ZNF717: variants seen among roughly 807,000 people sequenced by gnomAD.
ZNF717 encodes krueppel-like factor X17.
Under a neutral mutation model 13.8 loss-of-function variants are expected in ZNF717, and 9 were observed. That is an observed-to-expected ratio of 0.65 (90% confidence interval 0.39 to 1.14). The LOEUF is 1.14. Among genes scored for constraint, ZNF717 ranks in the 50% most tolerant of loss-of-function variants. The pLI is 0.01. For synonymous variants in ZNF717, 327 were observed against 364.1 expected, an observed-to-expected ratio of 0.90 and a Z score of 1.16; for missense variants, 1,040 against 1,080.7, an observed-to-expected ratio of 0.96 and a Z score of 0.53.
intron 4 of ZNF717, among the ~76,000 whole-genome samples, chr3:75,722,803 C>CAAAAAAAAAAAAA (rs146853808): frequency 3.0e-5 from 3 of 98,878 alleles, no homozygotes; most frequent in African/African-American, 4.8e-5. Flanking sequence ...AACTCCATCT[C>CAAAAAAAAAAAAA]AAAAAAAAAA....
rs925802572 is a variant in ZNF717 at position 75,751,720 on chromosome 3, A to G, written c.58-9984T>C. Among the ~76,000 whole-genome samples, 29 of 151,276 alleles carry G rather than the reference A, an allele frequency of 1.9e-4. 1 individual carries two copies. The highest frequency in any genetic ancestry group is 7.1e-4 in the African/African-American group (29 of 41,102). ...TATTTGCCCTCACATAGGATTCCAG[A>G]ACACTGCTGTTGGGTTCTGAGTGTT... On this transcript the variant is annotated intron_variant, in intron 2 of 4. Coordinates refer to ENST00000652011, the MANE Select transcript of ZNF717 (RefSeq NM_001290208.3).
Position 75,737,579 on chromosome 3 carries a change from T to C in ZNF717, c.2044A>G (p.Lys682Glu), listed in dbSNP as rs1939511415. 7 of 1,544,460 alleles carry C rather than the reference T, an allele frequency of 4.5e-6. No homozygotes were observed. In the South Asian group the frequency reaches 7.2e-5, roughly 16 times the overall value. The change falls in exon 5 of 5, where the codon AAA (lysine) becomes GAA (glutamate). Residue 682 changes from lysine to glutamate, a missense_variant. Physicochemically the swap from Lys to Glu is moderately conservative, Grantham distance 56. Coordinates refer to ENST00000652011, the MANE Select transcript of ZNF717 (RefSeq NM_001290208.3). ...KNRMDVMNVE[K>E]LFVRNHTLLY... ...AAGGTATGATTTCTGACAAAAAGTTTTTCCACATTCATTACATCCATACGG... is the reference window on the plus strand; with the variant it reads ...AAGGTATGATTTCTGACAAAAAGTTCTTCCACATTCATTACATCCATACGG...
intron 4 of ZNF717, among the ~76,000 whole-genome samples, chr3:75,740,328 C>G (rs1287676695): frequency 6.6e-6 from 1 of 152,158 alleles, no homozygotes; most frequent in Non-Finnish European, 1.5e-5. Flanking sequence ...GGACTTGAGA[C>G]CCAGAATCTT....
At chr3:75,706,855 G>A (rs1481728540), downstream of ZNF717, among the ~76,000 whole-genome samples, 6 of 152,298 alleles carry the variant, frequency 3.9e-5, no homozygotes, top group Non-Finnish European at 8.8e-5. Context: ...GTCTTCTCAT[G>A]ATGGACAAGC....
intron 2 of ZNF717, among the ~76,000 whole-genome samples, chr3:75,752,971 A>ATGTC: frequency 7.0e-6 from 1 of 142,296 alleles, no homozygotes; most frequent in East Asian, 2.1e-4. Flanking sequence ...CATGGTCTGA[A>ATGTC]TGTCCCTCAC....
chr3:75,751,876 A>G (rs1941858596), intron 2 of ZNF717, among the ~76,000 whole-genome samples: 1 of 149,640 alleles, frequency 6.7e-6, no homozygotes, highest in Non-Finnish European at 1.5e-5. Flanking sequence ...CACTACTACG[A>G]TGGTATGAAT....
At chr3:75,746,567 C>T (rs1225807960) in intron 2 of ZNF717, among the ~76,000 whole-genome samples, 6 of 152,226 alleles carry the variant, frequency 3.9e-5, no homozygotes, top group African/African-American at 9.6e-5. Flanking sequence ...TTTTAATGAT[C>T]GCCATTCTAA....
intron 1 of ZNF717, chr3:75,784,960 C>T (rs75405852): frequency 6.6e-6 from 1 of 152,310 alleles, no homozygotes; most frequent in African/African-American, 2.4e-5. Context: ...TCCCTCGCGG[C>T]ATCAGTGAGT....
At chr3:75,763,781 A>T (rs1415944739) in intron 2 of ZNF717, among the ~76,000 whole-genome samples, 5 of 152,266 alleles carry the variant, frequency 3.3e-5, no homozygotes, top group Non-Finnish European at 7.3e-5. Flanking sequence ...AAACAGAAAA[A>T]CAATCAAACC....
At position 75,769,983 on chromosome 3, in the gene ZNF717, T is replaced by C. The variant is rs904561556; in HGVS notation, c.57+13323A>G. Among the ~76,000 whole-genome samples the C allele has an allele frequency of 5.9e-5, 9 of 152,362 alleles. No homozygotes were observed. The East Asian group carries it at 1.5e-3, about 26-fold the overall frequency. The stretch of plus-strand genomic sequence containing the variant: ...TTATATAAACAAGAGGTAGAAAATA[T>C]GACAATGTGCTTCTTGGTTTTTGTC... On this transcript the variant is annotated intron_variant, in intron 2 of 4. Coordinates refer to ENST00000652011, the MANE Select transcript of ZNF717 (RefSeq NM_001290208.3).
chr3:75,704,052 G>C (rs1253271662), intron 6 of ZNF717, among the ~76,000 whole-genome samples: 3 of 151,550 alleles, frequency 2.0e-5, no homozygotes, highest in African/African-American at 7.2e-5. Flanking sequence ...TAGGACAGTG[G>C]GTTAATGGTC....
intron 4 of ZNF717, among the ~76,000 whole-genome samples, chr3:75,720,994 ATTG>A (rs1448932019): frequency 6.6e-6 from 1 of 152,182 alleles, no homozygotes; most frequent in African/African-American, 2.4e-5. Flanking sequence ...AACTAATTGC[ATTG>A]TTTTTAAAAT....
chr3:75,762,614 T>C (rs1359151648), intron 2 of ZNF717, among the ~76,000 whole-genome samples: 7 of 152,128 alleles, frequency 4.6e-5, no homozygotes, highest in Admixed American at 2.6e-4. Flanking sequence ...TGATTTCATC[T>C]TGGAATGATG....
Position 75,713,846 on chromosome 3 carries a change from T to C in ZNF717, n.668-2530A>G, listed in dbSNP as rs1306818218. On this transcript the variant is annotated intron_variant and non_coding_transcript_variant, in intron 5 of 5. Transcript: ENST00000491507. Reference sequence around the variant, plus strand: ...CCCCAAAGGCCAGGCTGCGCTTTTATTGGATACAAGACAAGGGGGCAGGGT... The same window carrying C: ...CCCCAAAGGCCAGGCTGCGCTTTTACTGGATACAAGACAAGGGGGCAGGGT... Among the ~76,000 whole-genome samples the C allele has an allele frequency of 3.9e-5, 6 of 151,986 alleles. No individual in the cohort carries two copies. In the East Asian group the frequency reaches 9.8e-4, roughly 25 times the overall value.
intron 5 of ZNF717, among the ~76,000 whole-genome samples, chr3:75,715,551 T>A (rs79181998): frequency 2.0e-5 from 3 of 152,264 alleles, no homozygotes; most frequent in Non-Finnish European, 4.4e-5. Context: ...TCTGTCATTG[T>A]ACACAATTGT....
intron 2 of ZNF717, among the ~76,000 whole-genome samples, chr3:75,749,658 C>T (rs1303194327): frequency 6.6e-6 from 1 of 152,120 alleles, no homozygotes; most frequent in Non-Finnish European, 1.5e-5. Flanking sequence ...ACATAGGATT[C>T]CAAAACACTG....
In ZNF717 at chr3:75,736,831, G is replaced by C; in HGVS notation, c.*47C>G. 6.7e-7 allele frequency: 1 copy of C among 1,487,904 alleles called. No individual in the cohort carries two copies. Among genetic ancestry groups the C allele is most frequent in the East Asian group, 2.5e-5 (1 of 40,490 alleles). 92.2% of individuals were successfully genotyped at this position (1,487,904 alleles called of 1,614,324 possible). On this transcript the variant is annotated 3_prime_UTR_variant, in exon 5 of 5. Transcript: ENST00000652011. ...TTGTGTCCATATTCTCCTAGACTGAGCATGGAGAAATCTGTAATAGTAGCC... is the reference window on the plus strand; with the variant it reads ...TTGTGTCCATATTCTCCTAGACTGACCATGGAGAAATCTGTAATAGTAGCC...
chr3:75,766,843 C>T (rs1943507425), intron 2 of ZNF717, among the ~76,000 whole-genome samples: 1 of 152,242 alleles, frequency 6.6e-6, no homozygotes, highest in Admixed American at 6.5e-5. Context: ...TCCAGAAAAG[C>T]CTCAAATGTC....
rs1939444418 is a variant in ZNF717, at chr3:75,737,317, T to G, written c.2306A>C (p.His769Pro). The G allele has an allele frequency of 2.6e-6, 4 of 1,552,638 alleles. No individual in the cohort carries two copies. The change falls in exon 5 of 5, where the codon CAC becomes CCC. Residue 769 changes from histidine to proline, a missense_variant. By Grantham distance (77) the His-to-Pro change is moderately conservative. Around this residue, in one of 3 missense-constraint regions of ZNF717, gnomAD observed 873 missense variants for 832.8 expected, o/e 1.05. Coordinates refer to ENST00000652011, the MANE Select transcript of ZNF717 (RefSeq NM_001290208.3). ...CTGATGCGTACTGAGGTTTGACTTG[T>G]GACAAAAGGTTTTCCCACACTCATT... is the stretch of plus-strand genomic sequence containing the variant. Reference protein sequence around the residue: ...ECNECGKTFCHKSNLSTHQGT... With the variant: ...ECNECGKTFCPKSNLSTHQGT...
Sources: allele counts gnomAD v4.1 joint callset (sites outside exome capture counted in the v4.1 genomes callset), GRCh38; gene constraint gnomAD v4.1.1; regional missense constraint gnomAD v4.1.1; transcripts MANE v1.5; gene names NCBI Gene and HGNC (gene_info 2026-07-23, HGNC 2026-07-21).